The following KIF3C variants were observed in gnomAD, a reference collection of about 807,000 sequenced individuals.
KIF3C encodes kinesin-like protein KIF3C.
A neutral mutation model predicts 67.7 loss-of-function variants in KIF3C; 12 were observed. The observed-to-expected ratio is 0.18, with a 90% CI of 0.11 to 0.29. The LOEUF (loss-of-function observed/expected upper bound fraction) is 0.29, where lower values mean the gene tolerates loss of function less well. Ranked by LOEUF, KIF3C falls within the 10% of genes least tolerant of loss-of-function variation. The pLI, the probability that KIF3C is intolerant of heterozygous loss-of-function variation, is 1.00. For missense variants in KIF3C, 789 were observed against 1,059.6 expected (o/e 0.74, Z 3.55); for synonymous variants, 393 against 426.2 (o/e 0.92, Z 0.96).
chr2:25,971,271 CA>C (rs35420433), intron 1 of KIF3C, among the ~76,000 whole-genome samples: 9,128 of 59,248 alleles, frequency 0.15, 522 homozygotes, highest in African/African-American at 0.31. Context: ...GACTCTGTCT[CA>C]AAAAAAAAAA....
rs576154625 is a variant in KIF3C at position 25,955,168 on chromosome 2, G to A, written c.1770+373C>T. The stretch of plus-strand genomic sequence containing the variant: ...CTTACACTCCCCACCTGAGCTTCCC[G>A]GGGTTCCAGTCTCCTCCTCAGCCTC... On this transcript the variant is annotated intron_variant, in intron 3 of 7. Transcript: ENST00000264712. The surrounding 1 kb of genome is among the most constrained non-coding windows in gnomAD (Gnocchi z 5.0). 6.6e-6 allele frequency among the ~76,000 whole-genome samples: 1 copy of A among 151,970 alleles called. No homozygotes were observed. The highest frequency in any genetic ancestry group is 6.6e-5 in the Admixed American group (1 of 15,228).
chr2:25,928,923 G>C lies in KIF3C; in HGVS notation c.*55C>G, dbSNP rs182435705. 6.4e-4 allele frequency: 944 copies of C among 1,469,318 alleles called. 4 individuals carry two copies. The African/African-American group carries it at 0.012, about 18-fold the overall frequency. 91.0% of individuals were successfully genotyped at this position (1,469,318 alleles called of 1,614,324 possible). A position where few individuals can be genotyped will look rare whatever the true frequency, so the allele number is the denominator to read the frequency against. On this transcript the variant is annotated 3_prime_UTR_variant, in exon 8 of 8. Coordinates refer to ENST00000264712, the MANE Select transcript of KIF3C (RefSeq NM_002254.8). ...CCAAGCGGCAGATGAGATGAGCCAG[G>C]GTTGGCTGCCCCATCCCAGGAGTCT...
At chr2:25,962,697 ATAG>A (rs1663979422) in intron 1 of KIF3C, among the ~76,000 whole-genome samples, 1 of 136,966 alleles carries the variant, frequency 7.3e-6, no homozygotes, top group East Asian at 2.0e-4. Flanking sequence ...CTCTATGGAC[ATAG>A]TATAAACACA....
At chr2:25,976,645 C>A (rs1664424934) in intron 1 of KIF3C, among the ~76,000 whole-genome samples, 4 of 152,098 alleles carry the variant, frequency 2.6e-5, no homozygotes, top group Admixed American at 2.6e-4. Context: ...CCTGTAATCC[C>A]AGCTACTAGG....
intron 1 of KIF3C, among the ~76,000 whole-genome samples, chr2:25,961,759 C>T (rs1249650722): frequency 6.6e-6 from 1 of 152,024 alleles, no homozygotes; most frequent in Admixed American, 6.5e-5. Flanking sequence ...TACTGCATCT[C>T]CAGAGACATA....
In KIF3C at chr2:25,981,831, G is replaced by T. The variant is rs1201938304; in HGVS notation, c.87C>A (p.His29Gln). The T allele has an allele frequency of 6.2e-7, 1 of 1,611,194 alleles. No homozygotes were observed. Among genetic ancestry groups the T allele is most frequent in the South Asian group, 1.1e-5 (1 of 90,894 alleles). ...PLSRKEEAAG[H>Q]EQILTMDVKL... The stretch of plus-strand genomic sequence containing the variant: ...TCACGTCCATGGTCAGGATCTGCTC[G>T]TGACCAGCAGCCTCCTCCTTCCTGC... Residue 29 changes from histidine to glutamine, a missense_variant, in exon 1 of 8, where the codon CAC becomes CAA. By Grantham distance (24) the His-to-Gln change is conservative. Transcript: ENST00000264712. The surrounding 1 kb of genome is among the most constrained non-coding windows in gnomAD (Gnocchi z 8.2).
intron 5 of KIF3C, among the ~76,000 whole-genome samples, chr2:25,943,039 C>T (rs893791932): frequency 3.3e-5 from 5 of 152,154 alleles, no homozygotes; most frequent in African/African-American, 9.7e-5. Flanking sequence ...CCTCTCACTT[C>T]GAGCAGCTCT....
chr2:25,956,443 G>C lies in KIF3C; in HGVS notation c.1547C>G (p.Ala516Gly). Residue 516 changes from alanine to glycine, a missense_variant and splice_region_variant, in exon 2 of 8, where the codon GCC becomes GGC. Coordinates refer to ENST00000264712, the MANE Select transcript of KIF3C (RefSeq NM_002254.8). ...CCCGATGAGGAGCTTGCTCTCCATGGCCTGGGGACACAGAGGGGTTGGGAG... is the reference window on the plus strand; with the variant it reads ...CCCGATGAGGAGCTTGCTCTCCATGCCCTGGGGACACAGAGGGGTTGGGAG... The part of the protein sequence containing the change: ...ATELLAAKYK[A>G]MESKLLIGGR... 1 of 1,612,826 alleles carries C rather than the reference G, an allele frequency of 6.2e-7. No homozygotes were observed. Among genetic ancestry groups the C allele is most frequent in the African/African-American group, 1.3e-5 (1 of 75,042 alleles).
rs199526182 is a variant in KIF3C at position 25,981,213 on chromosome 2, G to A, written c.705C>T (p.Asp235=). 58 of 1,614,120 alleles carry A rather than the reference G, an allele frequency of 3.6e-5. No individual in the cohort carries two copies. In the East Asian group the frequency reaches 1.3e-3, roughly 36 times the overall value. Residue 235 remains aspartate, a synonymous_variant, in exon 1 of 8, where the codon GAC becomes GAT. Coordinates refer to ENST00000264712, the MANE Select transcript of KIF3C (RefSeq NM_002254.8). This position sits in a 1 kb window ranked among gnomAD's most constrained non-coding sequence, Gnocchi z 8.2. ...GGTTGAGCTTGCCCACTCGGATGTG[G>A]TCCTGGCCATCAGAGCCACGTTCGC... ...ECSERGSDGQ[D]HIRVGKLNLV...
chr2:25,929,616 C>CTTTT, intron 6 of KIF3C, 139 bp from the exon 7 acceptor site: 1 of 518,598 alleles, frequency 1.9e-6, no homozygotes, highest in Non-Finnish European at 3.3e-6. Flanking sequence ...CCCATAGGCT[C>CTTTT]TTTTTTTTTT....
chr2:25,963,048 A>AATATAT (rs1664038077), intron 1 of KIF3C, among the ~76,000 whole-genome samples: 1 of 78,450 alleles, frequency 1.3e-5, no homozygotes, highest in African/African-American at 5.6e-5. Flanking sequence ...TATAATATAT[A>AATATAT]AATATATAAA....
At chr2:25,929,792 T>A (rs61696961) in intron 6 of KIF3C, among the ~76,000 whole-genome samples, 163 bp downstream of exon 6, 32,908 of 151,652 alleles carry the variant, frequency 0.22, 5,973 homozygotes, top group East Asian at 0.89. Context: ...ATTTTTGTAT[T>A]TTTAGTAGAG....
At chr2:25,938,190 C>T (rs189667486) in intron 5 of KIF3C, 14 of 400,252 alleles carry the variant, frequency 3.5e-5, no homozygotes, top group South Asian at 2.0e-4. Context: ...TGGTAAAACC[C>T]CCTCTCTACC....
chr2:25,954,014 G>A (rs1303490745), intron 4 of KIF3C: 5 of 450,806 alleles, frequency 1.1e-5, no homozygotes, highest in Non-Finnish European at 2.0e-5. Flanking sequence ...CTTATGCAAA[G>A]ATGGTAGCCT....
rs1188342002 is a variant in KIF3C at position 25,941,556 on chromosome 2, T to TA, written c.2006+10232dup. Among the ~76,000 whole-genome samples, 325 of 137,100 alleles carry TA rather than the reference T, an allele frequency of 2.4e-3. 1 individual carries two copies. Among genetic ancestry groups the TA allele is most frequent in the African/African-American group, 7.2e-3 (266 of 37,004 alleles). 89.9% of individuals were successfully genotyped at this position (137,100 alleles called of 152,430 possible). On this transcript the variant is annotated intron_variant, in intron 5 of 7. Coordinates refer to ENST00000264712, the MANE Select transcript of KIF3C (RefSeq NM_002254.8). Reference sequence around the variant, plus strand: ...AACATAGTGAAACCCTGTCTCTATTTAAAAAAAAAAAAAAGAAGAAGAAGA... The same window carrying TA: ...AACATAGTGAAACCCTGTCTCTATTTAAAAAAAAAAAAAAAGAAGAAGAAGA...
intron 5 of KIF3C, among the ~76,000 whole-genome samples, chr2:25,930,842 C>T (rs1270098084): frequency 6.6e-6 from 1 of 151,840 alleles, no homozygotes; most frequent in Admixed American, 6.6e-5. Context: ...CCTGGCCTAA[C>T]ACCCGGCTAA....
intron 5 of KIF3C, among the ~76,000 whole-genome samples, chr2:25,936,236 T>C (rs1156519212): frequency 6.6e-6 from 1 of 152,214 alleles, no homozygotes; most frequent in Non-Finnish European, 1.5e-5. Flanking sequence ...AGATGGGGTC[T>C]CGCTATGTTG....
At chr2:25,963,691 A>G (rs1664067572) in intron 1 of KIF3C, among the ~76,000 whole-genome samples, 1 of 148,020 alleles carries the variant, frequency 6.8e-6, no homozygotes, top group Non-Finnish European at 1.5e-5. Context: ...TATTATTATT[A>G]TTATTATTAT....
At chr2:25,971,919 G>A (rs1185726112) in intron 1 of KIF3C, among the ~76,000 whole-genome samples, 1 of 123,620 alleles carries the variant, frequency 8.1e-6, no homozygotes, top group Non-Finnish European at 1.7e-5. Context: ...TAGAGATGGG[G>A]TCTGGCTTTG....
Sources: allele counts gnomAD v4.1 joint callset (sites outside exome capture counted in the v4.1 genomes callset), GRCh38; gene constraint gnomAD v4.1.1; non-coding constraint Gnocchi (gnomAD v3.1); transcripts MANE v1.5; gene names NCBI Gene and HGNC (gene_info 2026-07-23, HGNC 2026-07-21).